Variants in NFX1 observed in about 807,000 individuals in gnomAD.
The protein encoded by NFX1 is nuclear transcription factor, X-box binding 1.
In NFX1, 69 loss-of-function variants were observed where a neutral mutation model predicts 137.2. The ratio of observed to expected loss-of-function variants is 0.50; its 90% CI spans 0.41 to 0.61. The LOEUF (loss-of-function observed/expected upper bound fraction) is 0.61. Among genes scored for constraint, NFX1 ranks in the 20% least tolerant of loss-of-function variants. The probability of loss-of-function intolerance (pLI) is 0.00; values close to 1 mark genes in which losing one functional copy is unlikely to be tolerated. For missense variants in NFX1, 1,167 were observed against 1,391.0 expected (o/e 0.84, Z 2.56); for synonymous variants, 495 against 474.1 (o/e 1.04, Z -0.57).
chr9:33,296,073 C>T (rs865850579), intron 2 of NFX1, among the ~76,000 whole-genome samples: 1 of 152,138 alleles, frequency 6.6e-6, no homozygotes, highest in Non-Finnish European at 1.5e-5. Flanking sequence ...ATTACAGGCG[C>T]CCGCCACCAT....
intron 7 of NFX1, among the ~76,000 whole-genome samples, chr9:33,318,333 C>T (rs961558686): frequency 5.9e-5 from 9 of 152,208 alleles, no homozygotes; most frequent in African/African-American, 2.2e-4. Flanking sequence ...CTTAGCTTGT[C>T]TATCTCCTGT....
intron 19 of NFX1, among the ~76,000 whole-genome samples, chr9:33,361,856 G>A (rs1235773366): frequency 6.6e-6 from 1 of 151,176 alleles, no homozygotes. Context: ...CGTTACAGCG[G>A]CTCATCCCCA....
At chr9:33,360,457 T>G (rs1367708380) in intron 19 of NFX1, among the ~76,000 whole-genome samples, 1 of 152,214 alleles carries the variant, frequency 6.6e-6, no homozygotes, top group African/African-American at 2.4e-5. Flanking sequence ...GTAAATGTTA[T>G]TGATTAAAAC....
chr9:33,356,889 G>T (rs916832352), intron 19 of NFX1, among the ~76,000 whole-genome samples: 1 of 151,806 alleles, frequency 6.6e-6, no homozygotes, highest in Non-Finnish European at 1.5e-5. Context: ...TACTTGGGAG[G>T]CTTGAGGTGG....
At chr9:33,363,978 C>A (rs768396681) in intron 19 of NFX1, 32 bp from the exon 20 acceptor site, 26 of 1,482,478 alleles carry the variant, frequency 1.8e-5, no homozygotes, top group Non-Finnish European at 2.4e-5. Context: ...CCTCCCACTC[C>A]TTTTATTTGC....
intron 9 of NFX1, among the ~76,000 whole-genome samples, chr9:33,324,235 T>C (rs1200006268): frequency 6.6e-6 from 1 of 152,020 alleles, no homozygotes. Context: ...AAAAATTAGC[T>C]GGGTGTGGCG....
chr9:33,340,775 A>G (rs1200498257), intron 12 of NFX1, among the ~76,000 whole-genome samples: 1 of 152,186 alleles, frequency 6.6e-6, no homozygotes, highest in Non-Finnish European at 1.5e-5. Flanking sequence ...CTCAAGTTCA[A>G]AGTTCCACAG....
At chr9:33,362,255 C>T (rs2118686969) in intron 19 of NFX1, among the ~76,000 whole-genome samples, 1 of 152,184 alleles carries the variant, frequency 6.6e-6, no homozygotes, top group South Asian at 2.1e-4. Context: ...TATGATCCAG[C>T]AATCCTATTA....
intron 11 of NFX1, among the ~76,000 whole-genome samples, chr9:33,338,180 C>A (rs1409149496): frequency 6.6e-6 from 1 of 151,802 alleles, no homozygotes; most frequent in Non-Finnish European, 1.5e-5. Context: ...CATGGTGAAA[C>A]CCTGCCTCTA....
chr9:33,359,099 T>C (rs12685523), intron 19 of NFX1, among the ~76,000 whole-genome samples: 15,469 of 152,270 alleles, frequency 0.1, 932 homozygotes, highest in South Asian at 0.18. Flanking sequence ...ATTTCTGATA[T>C]TGTAGATTAT....
intron 11 of NFX1, among the ~76,000 whole-genome samples, chr9:33,335,133 A>G (rs1367542195): frequency 1.3e-5 from 2 of 152,142 alleles, no homozygotes; most frequent in African/African-American, 2.4e-5. Flanking sequence ...TTTTAAATGT[A>G]CAGTTCAGTG....
chr9:33,307,399 A>T, intron 5 of NFX1, 100 bp downstream of exon 5: 1 of 986,598 alleles, frequency 1.0e-6, no homozygotes, highest in Non-Finnish European at 1.6e-6. Context: ...TTTGGGATGA[A>T]GGGTGATATG....
Position 33,354,226 on chromosome 9 carries a change from A to G in NFX1, c.2831+39A>G, listed in dbSNP as rs747121493. ...TGCATATATGTGCCTTCTTTCTTCA[A>G]TTAGACTTCAATTAGAGGGCAGAGA... On this transcript the variant is annotated intron_variant, in intron 18 of 23. Transcript: ENST00000379540. The G allele has an allele frequency of 1.5e-5, 22 of 1,488,300 alleles. No individual in the cohort carries two copies. In the South Asian group the frequency reaches 1.8e-4, roughly 12 times the overall value. The allele number at this position is 1,488,300 out of a possible 1,614,324, so 92.2% of individuals were successfully genotyped here.
intron 9 of NFX1, among the ~76,000 whole-genome samples, chr9:33,324,383 A>T (rs1430603995): frequency 6.6e-6 from 1 of 152,040 alleles, no homozygotes; most frequent in Non-Finnish European, 1.5e-5. Context: ...CATCTCAAAA[A>T]AAATAATAAT....
rs1337456360 is a variant in NFX1, at chr9:33,354,868, A to G, written c.2849A>G (p.Glu950Gly). 1 of 1,613,840 alleles carries G rather than the reference A, an allele frequency of 6.2e-7. No individual in the cohort carries two copies. The highest frequency in any genetic ancestry group is 1.7e-5 in the Admixed American group (1 of 59,992). Residue 950 changes from glutamate (E) to glycine (G), a missense_variant, in exon 19 of 24, where the codon GAG (glutamate) becomes GGG (glycine). Glu to Gly is a moderately conservative substitution (Grantham distance 98). This residue lies in a region of NFX1 where 312 missense variants were observed against 312.8 expected (regional missense o/e 1.00). Transcript: ENST00000379540. ...TTATCAAGGCTGGAGTGTGATGAGG[A>G]GTGTTCAGCCTTGGAAAGGAAAAAG... is the stretch of plus-strand genomic sequence containing the variant. ...VHQARLECDE[E>G]CSALERKKRL...
intron 6 of NFX1, among the ~76,000 whole-genome samples, chr9:33,312,562 A>G (rs1821999873): frequency 1.3e-5 from 2 of 152,238 alleles, no homozygotes; most frequent in African/African-American, 4.8e-5. Flanking sequence ...AGAGACTTGA[A>G]GACAATTGTC....
chr9:33,303,344 G>A (rs1222817753), intron 4 of NFX1, 76 bp downstream of exon 4: 14 of 1,290,700 alleles, frequency 1.1e-5, no homozygotes, highest in East Asian at 2.3e-5. Context: ...TGGTCTGCGG[G>A]GCATGTTTTA....
chr9:33,309,427 T>C (rs376262177), intron 5 of NFX1, among the ~76,000 whole-genome samples: 100 of 152,114 alleles, frequency 6.6e-4, no homozygotes, highest in African/African-American at 2.2e-3. Context: ...TACCAGAGAT[T>C]AAAACTGTTG....
intron 23 of NFX1, among the ~76,000 whole-genome samples, 158 bp downstream of exon 23, chr9:33,367,777 C>T (rs544885654): frequency 2.6e-5 from 4 of 152,302 alleles, no homozygotes; most frequent in Admixed American, 1.3e-4. Flanking sequence ...GTATCAGACA[C>T]GTTTGTTCCC....
Sources: allele counts gnomAD v4.1 joint callset (sites outside exome capture counted in the v4.1 genomes callset), GRCh38; gene constraint gnomAD v4.1.1; regional missense constraint gnomAD v4.1.1; transcripts MANE v1.5; gene names NCBI Gene and HGNC (gene_info 2026-07-23, HGNC 2026-07-21).